Variants in LGMN observed in about 807,000 individuals in gnomAD.
LGMN encodes asparaginyl endopeptidase.
A neutral mutation model predicts 56.8 loss-of-function variants in LGMN; 36 were observed. The ratio of observed to expected loss-of-function variants is 0.63; its 90% CI spans 0.49 to 0.84. The LOEUF is 0.84. Ranked by LOEUF, LGMN falls within the 40% of genes least tolerant of loss-of-function variation. The pLI, the probability that LGMN is intolerant of heterozygous loss-of-function variation, is 0.00. For missense variants in LGMN, 446 were observed against 556.1 expected (o/e 0.80, Z 1.99); for synonymous variants, 199 against 210.1 (o/e 0.95, Z 0.46).
chr14:92,727,743 CA>C (rs1181817564), intron 2 of LGMN, among the ~76,000 whole-genome samples: 1 of 152,100 alleles, frequency 6.6e-6, no homozygotes, highest in African/African-American at 2.4e-5. Context: ...CTTCTGGACC[CA>C]AACCCGGCAA....
At chr14:92,739,470 C>T (rs1385574900) in intron 1 of LGMN, among the ~76,000 whole-genome samples, 1 of 152,154 alleles carries the variant, frequency 6.6e-6, no homozygotes, top group Non-Finnish European at 1.5e-5. Flanking sequence ...ACCCCCACCC[C>T]GAATCCATCC....
Position 92,718,735 on chromosome 14 carries a change from T to C in LGMN, c.236+12A>G. On this transcript the variant is annotated intron_variant, in intron 3 of 13. Coordinates refer to ENST00000334869, the MANE Select transcript of LGMN (RefSeq NM_005606.7). ...GTCCTTCCCCACCAAGTTCCAAGTGTTCCCCACTTACTCTTCAGAGTAAGC... is the reference window on the plus strand; with the variant it reads ...GTCCTTCCCCACCAAGTTCCAAGTGCTCCCCACTTACTCTTCAGAGTAAGC... 1 of 1,577,274 alleles carries C rather than the reference T, an allele frequency of 6.3e-7. No homozygotes were observed. Among genetic ancestry groups the C allele is most frequent in the Non-Finnish European group, 8.7e-7 (1 of 1,147,176 alleles).
At chr14:92,718,539 A>G (rs528044682) in intron 3 of LGMN, among the ~76,000 whole-genome samples, 40 of 151,962 alleles carry the variant, frequency 2.6e-4, no homozygotes, top group African/African-American at 8.2e-4. Flanking sequence ...GCACCACTGC[A>G]CTCCAGCCTG....
chr14:92,711,174 G>A (rs1219732577), intron 10 of LGMN, among the ~76,000 whole-genome samples: 2 of 152,180 alleles, frequency 1.3e-5, no homozygotes, highest in African/African-American at 4.8e-5. Flanking sequence ...ATTTGGAGGA[G>A]GATAAAATGT....
intron 1 of LGMN, among the ~76,000 whole-genome samples, chr14:92,742,320 CAG>C (rs1891599123): frequency 9.1e-6 from 1 of 110,022 alleles, no homozygotes; most frequent in South Asian, 3.2e-4. Flanking sequence ...TTTTTTGAGA[CAG>C]AGTCTCACTC....
In LGMN at chr14:92,718,858, T is replaced by C; in HGVS notation, c.139-14A>G. The C allele has an allele frequency of 3.7e-6, 6 of 1,605,722 alleles. No homozygotes were observed. The highest frequency in any genetic ancestry group is 5.1e-6 in the Non-Finnish European group (6 of 1,172,950). ...GCACGCGTCTGCCTGGGAGAAATGA[T>C]TTGGTGAAGTTTTAGATCTTGCCTG... On this transcript the variant is annotated splice_polypyrimidine_tract_variant and intron_variant, in intron 2 of 13. Coordinates refer to ENST00000334869, the MANE Select transcript of LGMN (RefSeq NM_005606.7).
At chr14:92,704,455 GAC>G (rs1289636978) in intron 13 of LGMN, 94 bp from the exon 14 acceptor site, 11 of 1,134,486 alleles carry the variant, frequency 9.7e-6, no homozygotes, top group Admixed American at 1.8e-5. Context: ...AGGCAGTTAT[GAC>G]AGGCCCGCCC....
Position 92,704,013 on chromosome 14 carries a change from A to G in LGMN, c.*306T>C, listed in dbSNP as rs1889287287. ...AGACTCCTTTTGAGAGGGGCTACAG[A>G]AGCCCCCATGAGCTTCCTGCTCCTC... On this transcript the variant is annotated 3_prime_UTR_variant, in exon 14 of 14. Coordinates refer to ENST00000334869, the MANE Select transcript of LGMN (RefSeq NM_005606.7). The G allele has an allele frequency of 1.5e-6, 1 of 675,264 alleles. No individual in the cohort carries two copies. Among genetic ancestry groups the G allele is most frequent in the African/African-American group, 1.8e-5 (1 of 55,614 alleles). 41.8% of individuals were successfully genotyped at this position (675,264 alleles called of 1,614,324 possible). A position where few individuals can be genotyped will look rare whatever the true frequency, so the allele number is the denominator to read the frequency against.
At chr14:92,748,015 T>C (rs185379183) in intron 1 of LGMN, among the ~76,000 whole-genome samples, 2 of 152,270 alleles carry the variant, frequency 1.3e-5, no homozygotes, top group African/African-American at 4.8e-5. Flanking sequence ...CTTCTCTAAA[T>C]AGATGTCTTT....
rs868368491 is a variant in LGMN, at chr14:92,704,860, T to C, written c.1192-153A>G. The C allele has an allele frequency of 4.6e-6, 3 of 651,886 alleles. No homozygotes were observed. The African/African-American group carries it at 5.3e-5, about 12-fold the overall frequency. 40.4% of individuals were successfully genotyped at this position (651,886 alleles called of 1,614,324 possible). A position where few individuals can be genotyped will look rare whatever the true frequency, so the allele number is the denominator to read the frequency against. ...TCCCAACCTTTAGATAATCTGGTGA[T>C]ATTTATGGACGATCCCTCAGGAAAG... is the stretch of plus-strand genomic sequence containing the variant. On this transcript the variant is annotated intron_variant, in intron 12 of 13. Coordinates refer to ENST00000334869, the MANE Select transcript of LGMN (RefSeq NM_005606.7).
intron 1 of LGMN, among the ~76,000 whole-genome samples, chr14:92,739,957 A>G (rs1234702231): frequency 6.6e-6 from 1 of 152,214 alleles, no homozygotes; most frequent in African/African-American, 2.4e-5. Context: ...GAGATCAGAG[A>G]GAAAGACTCC....
chr14:92,747,743 G>C (rs540087928), intron 1 of LGMN, among the ~76,000 whole-genome samples: 17 of 152,288 alleles, frequency 1.1e-4, no homozygotes, highest in Admixed American at 2.0e-4. Context: ...AGAAAGCTGG[G>C]CTACTCCATT....
At chr14:92,706,412 A>G (rs1159874243) in intron 12 of LGMN, 71 bp downstream of exon 12, 5 of 1,303,486 alleles carry the variant, frequency 3.8e-6, no homozygotes, top group Non-Finnish European at 5.2e-6. Flanking sequence ...TCGTACAACC[A>G]ATGTGACTGC....
chr14:92,738,529 C>T (rs190354347), intron 1 of LGMN, among the ~76,000 whole-genome samples: 9 of 151,768 alleles, frequency 5.9e-5, no homozygotes, highest in Admixed American at 2.0e-4. Context: ...CTGCCTGTCT[C>T]AGCCTCCCAA....
At chr14:92,723,092 A>G (rs1442803023) in intron 2 of LGMN, among the ~76,000 whole-genome samples, 1 of 151,450 alleles carries the variant, frequency 6.6e-6, no homozygotes, top group Non-Finnish European at 1.5e-5. Context: ...TGTCGCCCAG[A>G]CTGGAGTGCA....
At chr14:92,744,594 GT>G (rs1157955787) in intron 1 of LGMN, among the ~76,000 whole-genome samples, 10,483 of 128,088 alleles carry the variant, frequency 0.082, 273 homozygotes, top group East Asian at 0.19. Context: ...TTATCCTTTA[GT>G]TTTTTTTTTT....
intron 1 of LGMN, among the ~76,000 whole-genome samples, chr14:92,742,069 T>C (rs912437386): frequency 5.3e-5 from 8 of 152,048 alleles, no homozygotes; most frequent in African/African-American, 1.7e-4. Context: ...GAAGTTCCTC[T>C]TAGTAATATT....
intron 2 of LGMN, among the ~76,000 whole-genome samples, chr14:92,728,449 C>A (rs1204721198): frequency 2.0e-5 from 3 of 152,100 alleles, no homozygotes; most frequent in African/African-American, 7.2e-5. Flanking sequence ...ATACTGCAGA[C>A]AAATGGAACA....
intron 10 of LGMN, among the ~76,000 whole-genome samples, chr14:92,710,301 A>G (rs1889691777): frequency 6.6e-6 from 1 of 152,264 alleles, no homozygotes; most frequent in South Asian, 2.1e-4. Context: ...GATGCCGCCT[A>G]TCCAGGCGGG....
Sources: gnomAD v4.1 joint callset for allele counts (sites outside exome capture counted in the v4.1 genomes callset) on GRCh38, gnomAD v4.1.1 for gene constraint, MANE v1.5 for transcripts, NCBI Gene and HGNC (gene_info 2026-07-23, HGNC 2026-07-21) for gene names.